The following XG variants were observed in gnomAD, a reference collection of about 807,000 sequenced individuals.
XG encodes the protein glycoprotein Xg.
Under a neutral mutation model 25.7 loss-of-function variants are expected in XG, and 24 were observed. The ratio of observed to expected loss-of-function variants is 0.93; its 90% CI spans 0.68 to 1.31. The LOEUF is 1.31. XG is among the 40% of genes most tolerant of loss of function. The pLI is 0.00. For missense variants in XG, 181 were observed against 187.6 expected, an observed-to-expected ratio of 0.96 and a Z score of 0.21; for synonymous variants, 77 against 69.2, an observed-to-expected ratio of 1.11 and a Z score of -0.56.
At chrX:2,782,003 C>T in intron 3 of XG, 63 bp from the exon 4 acceptor site, 1 of 1,112,242 alleles carries the variant, frequency 9.0e-7, no homozygotes, top group East Asian at 3.0e-5. Flanking sequence ...CTTGTTTCTG[C>T]AGCCTGCTCC....
At chrX:2,755,625 G>A (rs763261546) in intron 1 of XG, among the ~76,000 whole-genome samples, 6 of 152,246 alleles carry the variant, frequency 3.9e-5, no homozygotes, top group Admixed American at 3.3e-4. Flanking sequence ...AGATGGAGTC[G>A]CTCTGGTTCC....
chrX:2,812,078 A>AG (rs368401840), intron 10 of XG, among the ~76,000 whole-genome samples: 59,760 of 110,213 alleles, frequency 0.54, 12,897 homozygotes, highest in Non-Finnish European at 0.69. Flanking sequence ...TGGTTTAACT[A>AG]CCTGTTCTGT....
At chrX:2,789,608 T>C (rs1455932995) in intron 4 of XG, 36 bp from the exon 5 acceptor site, 18 of 1,018,329 alleles carry the variant, frequency 1.8e-5, no homozygotes, top group Non-Finnish European at 2.4e-5. Flanking sequence ...AAAGATGTCA[T>C]TATTTTTCTG....
intron 1 of XG, among the ~76,000 whole-genome samples, chrX:2,754,570 T>C (rs1375351082): frequency 6.6e-6 from 1 of 151,990 alleles, no homozygotes; most frequent in Non-Finnish European, 1.5e-5. Flanking sequence ...TAGAAATATA[T>C]ATAGAGAGAG....
intron 1 of XG, among the ~76,000 whole-genome samples, chrX:2,768,585 T>C (rs2050749739): frequency 1.3e-5 from 2 of 152,138 alleles, no homozygotes; most frequent in South Asian, 4.1e-4. Context: ...CTGGCCAACA[T>C]GGTGAAACCC....
intron 7 of XG, among the ~76,000 whole-genome samples, chrX:2,800,627 A>G (rs2086926330): frequency 9.0e-6 from 1 of 111,654 alleles, no homozygotes; most frequent in Non-Finnish European, 1.9e-5. Context: ...CTCACTCCCT[A>G]TGACACAGAC....
chrX:2,807,387 CTG>C (rs1369658481), intron 8 of XG, among the ~76,000 whole-genome samples: 2 of 113,000 alleles, frequency 1.8e-5, no homozygotes, highest in African/African-American at 6.4e-5. Flanking sequence ...TCATGTGCAT[CTG>C]TGCATGTGGA....
chrX:2,758,990 C>G (rs1354136621), intron 1 of XG, among the ~76,000 whole-genome samples: 1 of 151,898 alleles, frequency 6.6e-6, no homozygotes, highest in Non-Finnish European at 1.5e-5. Context: ...CTATCCAACT[C>G]TCATCTCTAT....
intron 7 of XG, among the ~76,000 whole-genome samples, chrX:2,803,254 C>T (rs893075714): frequency 5.4e-5 from 6 of 110,710 alleles, no homozygotes; most frequent in African/African-American, 2.0e-4. Flanking sequence ...TGGGCTCAAG[C>T]GATCCTCCCA....
At chrX:2,807,135 G>GTT (rs2087006169) in intron 8 of XG, among the ~76,000 whole-genome samples, 1 of 112,002 alleles carries the variant, frequency 8.9e-6, no homozygotes, top group Non-Finnish European at 1.9e-5. Context: ...GCAAGTGTCT[G>GTT]TGCACACATG....
At chrX:2,797,414 T>G in intron 7 of XG, 54 bp downstream of exon 7, 1 of 1,170,541 alleles carries the variant, frequency 8.5e-7, no homozygotes, top group Non-Finnish European at 1.2e-6. Flanking sequence ...GGGGTCATCT[T>G]TCTAGGGCTC....
intron 7 of XG, among the ~76,000 whole-genome samples, chrX:2,801,639 GT>G (rs1456147795): frequency 8.9e-6 from 1 of 111,970 alleles, no homozygotes; most frequent in Non-Finnish European, 1.9e-5. Flanking sequence ...CTAGGCCCTA[GT>G]TCCTGCCGGC....
intron 9 of XG, chrX:2,808,600 A>G: frequency 1.4e-6 from 1 of 740,230 alleles, no homozygotes; most frequent in Non-Finnish European, 1.6e-6. Flanking sequence ...CTGCCCAAAG[A>G]AGCCATCAGA....
chrX:2,807,928 A>C (rs903696929), intron 8 of XG, among the ~76,000 whole-genome samples: 2 of 111,566 alleles, frequency 1.8e-5, no homozygotes, highest in African/African-American at 6.5e-5. Flanking sequence ...TAGACTCTCC[A>C]ATCCTGAAAT....
At position 2,774,881 on chromosome X, in the gene XG, C is replaced by A. The variant is rs926960477; in HGVS notation, c.127+142C>A. 6 of 1,101,956 alleles carry A rather than the reference C, an allele frequency of 5.4e-6. No homozygotes were observed. The African/African-American group carries it at 7.8e-5, about 14-fold the overall frequency. The allele number at this position is 1,101,956 out of a possible 1,614,324, so 68.3% of individuals were successfully genotyped here. ...TGTACCAGATAGCAGATATTGAAAG[C>A]AAAATGTGGTGATTAGGGAAATGCA... On this transcript the variant is annotated intron_variant, in intron 3 of 10. Transcript: ENST00000644266.
intron 1 of XG, among the ~76,000 whole-genome samples, chrX:2,757,144 T>C (rs2050453674): frequency 6.6e-6 from 1 of 152,066 alleles, no homozygotes; most frequent in African/African-American, 2.4e-5. Flanking sequence ...GCGGCTAATC[T>C]CTTCTCCAAC....
chrX:2,774,867 G>A (rs1215148932), intron 3 of XG, 128 bp downstream of exon 3: 2 of 1,258,602 alleles, frequency 1.6e-6, no homozygotes, highest in Non-Finnish European at 2.3e-6. Context: ...GTACCAGATA[G>A]CAGATATTGA....
intron 7 of XG, among the ~76,000 whole-genome samples, chrX:2,801,869 T>C (rs868345874): frequency 2.6e-4 from 29 of 110,280 alleles, no homozygotes; most frequent in Admixed American, 9.6e-4. Context: ...CCACCACGCC[T>C]GGCAATTTTT....
rs775872554 is a variant in XG, at chrX:2,769,104, A to G, written c.62-1446A>G. Reference sequence around the variant, plus strand: ...TGGGGATGCGTCTTCTGCTCCGGAGAGGCCCTAATTGCCTCCACAAGGAGC... The same window carrying G: ...TGGGGATGCGTCTTCTGCTCCGGAGGGGCCCTAATTGCCTCCACAAGGAGC... On this transcript the variant is annotated intron_variant, in intron 1 of 10. Coordinates refer to ENST00000644266, the MANE Select transcript of XG (RefSeq NM_001141919.2). Among the ~76,000 whole-genome samples, 8 of 152,274 alleles carry G rather than the reference A, an allele frequency of 5.3e-5. No homozygotes were observed. In the South Asian group the frequency reaches 1.7e-3, roughly 32 times the overall value.
Sources: gnomAD v4.1 joint callset for allele counts (sites outside exome capture counted in the v4.1 genomes callset) on GRCh38, gnomAD v4.1.1 for gene constraint, MANE v1.5 for transcripts, NCBI Gene and HGNC (gene_info 2026-07-23, HGNC 2026-07-21) for gene names.